PRCP: variants seen among roughly 807,000 people sequenced by gnomAD.
The protein encoded by PRCP is lysosomal Pro-X carboxypeptidase.
A neutral mutation model predicts 54.2 loss-of-function variants in PRCP; 46 were observed. That is an observed-to-expected ratio of 0.85 (90% CI 0.67 to 1.09). The LOEUF is 1.09. Among genes scored for constraint, PRCP ranks in the 50% least tolerant of loss-of-function variants. PRCP has a pLI of 0.00. For missense variants in PRCP, 613 were observed against 596.8 expected (o/e 1.03, Z -0.28); for synonymous variants, 240 against 212.2 (o/e 1.13, Z -1.14).
Position 82,871,177 on chromosome 11 carries a change from C to CTT in PRCP, c.169-11062_169-11061dup, listed in dbSNP as rs146234682. Among the ~76,000 whole-genome samples, 649 of 117,294 alleles carry CTT rather than the reference C, an allele frequency of 5.5e-3. 7 individuals carry two copies. The highest frequency in any genetic ancestry group is 7.4e-3 in the South Asian group (27 of 3,648). 76.9% of individuals were successfully genotyped at this position (117,294 alleles called of 152,430 possible). A position where few individuals can be genotyped will look rare whatever the true frequency, so the allele number is the denominator to read the frequency against. ...ATAGTCTATTGTTCTAAATGTTTCT[C>CTT]TTTTTTTTTTTTTTTTTTTTTGAAA... On this transcript the variant is annotated intron_variant, in intron 1 of 8. Coordinates refer to ENST00000313010, the MANE Select transcript of PRCP (RefSeq NM_005040.4).
chr11:82,853,478 G>T (rs1047536127), intron 2 of PRCP, among the ~76,000 whole-genome samples, 200 bp from the exon 3 acceptor site: 4 of 152,156 alleles, frequency 2.6e-5, no homozygotes, highest in African/African-American at 9.7e-5. Flanking sequence ...CTTTATGAGT[G>T]AAACAATTAA....
chr11:82,828,970 T>G (rs529719015), intron 8 of PRCP: 6 of 152,338 alleles, frequency 3.9e-5, no homozygotes, highest in Non-Finnish European at 8.8e-5. Context: ...TTTCTCATTG[T>G]TTAACACACA....
At chr11:82,825,925 A>G (rs1858220576) in intron 8 of PRCP, 2 of 152,196 alleles carry the variant, frequency 1.3e-5, no homozygotes, top group Admixed American at 1.3e-4. Flanking sequence ...ATCCAATACA[A>G]CCACAGACAG....
In PRCP at chr11:82,849,156, T is replaced by G; in HGVS notation, c.814A>C (p.Ile272Leu). The G allele has an allele frequency of 6.2e-7, 1 of 1,614,138 alleles. No individual in the cohort carries two copies. The highest frequency in any genetic ancestry group is 8.5e-7 in the Non-Finnish European group (1 of 1,179,978). ...GAGATCCAGTCTTTCAAATGTTGGA[T>G]GTCCTGAGAAGTTAATGGGCTGCAT... is the stretch of plus-strand genomic sequence containing the variant. ...HLCSPLTSQD[I>L]QHLKDWISET... Residue 272 changes from isoleucine to leucine, a missense_variant, in exon 6 of 9, where the codon ATC (isoleucine) becomes CTC (leucine). Physicochemically the swap from Ile to Leu is conservative, Grantham distance 5. Transcript: ENST00000313010.
At position 82,850,664 on chromosome 11, in the gene PRCP, G is replaced by A. The variant is rs116206869; in HGVS notation, c.412-159C>T. ...TGCCTAGTCAAAGCAATAACTGTGT[G>A]GATTCAAACTCATGAAAATGATTTT... is the stretch of plus-strand genomic sequence containing the variant. On this transcript the variant is annotated intron_variant, in intron 3 of 8. Coordinates refer to ENST00000313010, the MANE Select transcript of PRCP (RefSeq NM_005040.4). 8.1e-3 allele frequency among the ~76,000 whole-genome samples: 1,231 copies of A among 152,216 alleles called. 21 individuals are homozygous for A. The highest frequency in any genetic ancestry group is 0.028 in the African/African-American group (1,171 of 41,522).
chr11:82,877,754 C>A (rs527935522), intron 1 of PRCP, among the ~76,000 whole-genome samples: 1 of 152,338 alleles, frequency 6.6e-6, no homozygotes, highest in East Asian at 1.9e-4. Context: ...TCATGGAGAA[C>A]CTCTGCTAGG....
intron 1 of PRCP, among the ~76,000 whole-genome samples, chr11:82,895,119 T>G (rs985899954): frequency 2.0e-5 from 3 of 152,232 alleles, no homozygotes; most frequent in African/African-American, 7.2e-5. Context: ...TATCATTTAT[T>G]GTTTACTAAC....
intron 6 of PRCP, among the ~76,000 whole-genome samples, chr11:82,847,126 A>G (rs1175638177): frequency 6.6e-6 from 1 of 152,214 alleles, no homozygotes; most frequent in Non-Finnish European, 1.5e-5. Context: ...AAGTTTCTCA[A>G]CCTCTGTTCT....
At chr11:82,895,186 C>G (rs146757656) in intron 1 of PRCP, among the ~76,000 whole-genome samples, 5 of 152,294 alleles carry the variant, frequency 3.3e-5, no homozygotes, top group Non-Finnish European at 7.3e-5. Context: ...TTACAACAAA[C>G]TTATGGTATA....
chr11:82,878,504 T>C (rs369657496), intron 1 of PRCP, among the ~76,000 whole-genome samples: 2 of 152,228 alleles, frequency 1.3e-5, no homozygotes, highest in East Asian at 1.9e-4. Context: ...TCCCATGCTA[T>C]TCTCATGATA....
At chr11:82,856,451 A>G (rs889977246) in intron 2 of PRCP, among the ~76,000 whole-genome samples, 1 of 152,202 alleles carries the variant, frequency 6.6e-6, no homozygotes, top group Non-Finnish European at 1.5e-5. Flanking sequence ...CTCACTTATA[A>G]GCAGGAGCTA....
intron 1 of PRCP, among the ~76,000 whole-genome samples, chr11:82,878,296 T>C (rs1305354257): frequency 6.6e-6 from 1 of 152,174 alleles, no homozygotes; most frequent in Non-Finnish European, 1.5e-5. Flanking sequence ...AATGCTGAAA[T>C]GAGTTAAGAC....
At chr11:82,884,195 A>T (rs763346757) in intron 1 of PRCP, among the ~76,000 whole-genome samples, 6 of 152,184 alleles carry the variant, frequency 3.9e-5, no homozygotes. Flanking sequence ...TCCTGGTTTA[A>T]ATTAGATTAT....
At chr11:82,865,989 C>A (rs1346924610) in intron 1 of PRCP, among the ~76,000 whole-genome samples, 2 of 152,156 alleles carry the variant, frequency 1.3e-5, no homozygotes, top group East Asian at 3.8e-4. Context: ...ACTAAGTTGT[C>A]CCTCACACAT....
intron 1 of PRCP, among the ~76,000 whole-genome samples, chr11:82,880,202 C>T (rs1437057210): frequency 6.6e-6 from 1 of 152,208 alleles, no homozygotes; most frequent in Non-Finnish European, 1.5e-5. Context: ...GTTCGAGCTT[C>T]CCGGCCACTT....
intron 1 of PRCP, among the ~76,000 whole-genome samples, chr11:82,892,909 C>A (rs1337008464): frequency 6.6e-6 from 1 of 152,170 alleles, no homozygotes; most frequent in Non-Finnish European, 1.5e-5. Flanking sequence ...GTCATCTATG[C>A]CTGGCCAGGA....
chr11:82,851,572 C>A (rs1176120560), intron 3 of PRCP, among the ~76,000 whole-genome samples: 8 of 151,210 alleles, frequency 5.3e-5, no homozygotes, highest in African/African-American at 1.9e-4. Context: ...CCTCATGAGA[C>A]CCCCTGAAAC....
At chr11:82,860,592 C>T (rs548184570) in intron 1 of PRCP, among the ~76,000 whole-genome samples, 4 of 152,024 alleles carry the variant, frequency 2.6e-5, no homozygotes, top group Non-Finnish European at 4.4e-5. Context: ...GATAAGACCA[C>T]TTAAAATCTA....
intron 2 of PRCP, among the ~76,000 whole-genome samples, chr11:82,854,526 CA>C (rs1859034302): frequency 6.6e-6 from 1 of 152,126 alleles, no homozygotes; most frequent in African/African-American, 2.4e-5. Context: ...AATGGAAAGA[CA>C]TTCCATGTTC....
Sources: gnomAD v4.1 joint callset for allele counts (sites outside exome capture counted in the v4.1 genomes callset) on GRCh38, gnomAD v4.1.1 for gene constraint, MANE v1.5 for transcripts, NCBI Gene and HGNC (gene_info 2026-07-23, HGNC 2026-07-21) for gene names.